The following EPHA5 variants were observed in gnomAD, a reference collection of about 807,000 sequenced individuals.
EPHA5 encodes ephrin type-A receptor 5.
In EPHA5, 60 loss-of-function variants were observed where a neutral mutation model predicts 105.0. The ratio of observed to expected loss-of-function variants is 0.57; its 90% CI spans 0.46 to 0.71. The LOEUF (loss-of-function observed/expected upper bound fraction) is 0.71, where lower values mean the gene tolerates loss of function less well. Among genes scored for constraint, EPHA5 ranks in the 30% least tolerant of loss-of-function variants. EPHA5 has a pLI of 0.00. For synonymous variants in EPHA5, 513 were observed against 449.1 expected, an observed-to-expected ratio of 1.14 and a Z score of -1.80; for missense variants, 1,218 against 1,274.7, an observed-to-expected ratio of 0.96 and a Z score of 0.68.
intron 5 of EPHA5, among the ~76,000 whole-genome samples, chr4:65,429,056 A>G (rs1724728478): frequency 6.6e-6 from 1 of 152,056 alleles, no homozygotes; most frequent in Non-Finnish European, 1.5e-5. Flanking sequence ...TTATTATCCT[A>G]TAATAGAATT....
In EPHA5 at chr4:65,319,948, C is replaced by T. The variant is rs1189125778; in HGVS notation, c.*4166G>A. ...GAAACTTCTACTGTGAATACAGTTC[C>T]CAGCCTGAATAAACATGACATTTTA... is the stretch of plus-strand genomic sequence containing the variant. On this transcript the variant is annotated 3_prime_UTR_variant, in exon 17 of 17. Coordinates refer to ENST00000613740, the MANE Select transcript of EPHA5 (RefSeq NM_001281766.3). The T allele has an allele frequency of 3.9e-5, 9 of 229,944 alleles. 1 individual carries two copies. Among genetic ancestry groups the T allele is most frequent in the Non-Finnish European group, 5.2e-5 (6 of 116,066 alleles). The allele number at this position is 229,944 out of a possible 1,614,324, so 14.2% of individuals were successfully genotyped here.
chr4:65,502,544 T>G (rs1414699303), intron 3 of EPHA5, among the ~76,000 whole-genome samples: 1 of 151,700 alleles, frequency 6.6e-6, no homozygotes, highest in Non-Finnish European at 1.5e-5. Context: ...AAAACCACAA[T>G]GAGATACCAT....
chr4:65,576,710 T>A (rs906130007), intron 3 of EPHA5, among the ~76,000 whole-genome samples: 4 of 152,348 alleles, frequency 2.6e-5, no homozygotes, highest in South Asian at 4.1e-4. Context: ...GAGTTTCTGT[T>A]ACCTATCACA....
At chr4:65,597,715 A>G (rs181687121) in intron 3 of EPHA5, among the ~76,000 whole-genome samples, 241 of 152,308 alleles carry the variant, frequency 1.6e-3, no homozygotes, top group African/African-American at 5.7e-3. Flanking sequence ...AGAAATGAGT[A>G]TTTTGTTACC....
chr4:65,446,189 G>A (rs1578135226), intron 5 of EPHA5, among the ~76,000 whole-genome samples: 1 of 152,192 alleles, frequency 6.6e-6, no homozygotes, highest in East Asian at 1.9e-4. Context: ...TCTGCTTAAT[G>A]CAATTGTACC....
At chr4:65,577,059 C>T (rs2149390288) in intron 3 of EPHA5, among the ~76,000 whole-genome samples, 1 of 152,322 alleles carries the variant, frequency 6.6e-6, no homozygotes, top group African/African-American at 2.4e-5. Flanking sequence ...AGAATGTTTA[C>T]ATGTGCACTT....
intron 3 of EPHA5, among the ~76,000 whole-genome samples, chr4:65,576,563 A>G (rs957119158): frequency 6.6e-6 from 1 of 152,202 alleles, no homozygotes; most frequent in African/African-American, 2.4e-5. Flanking sequence ...CACTTTAGAG[A>G]ACTTTAGAAT....
chr4:65,523,558 C>G (rs996619957), intron 3 of EPHA5, among the ~76,000 whole-genome samples: 2 of 151,950 alleles, frequency 1.3e-5, no homozygotes, highest in Admixed American at 6.6e-5. Flanking sequence ...CTTTTTATAA[C>G]CAAACATGCA....
At chr4:65,394,866 A>T (rs1721065454) in intron 8 of EPHA5, among the ~76,000 whole-genome samples, 2 of 152,106 alleles carry the variant, frequency 1.3e-5, no homozygotes, top group African/African-American at 4.8e-5. Flanking sequence ...TATTATTACC[A>T]TGTTACTTCC....
chr4:65,322,589 TAATTTGTATCACA>T lies in EPHA5; in HGVS notation c.*1512_*1524del, dbSNP rs1308301653. The T allele has an allele frequency of 8.9e-6, 2 of 224,350 alleles. No homozygotes were observed. Among genetic ancestry groups the T allele is most frequent in the Non-Finnish European group, 1.8e-5 (2 of 112,516 alleles). The allele number at this position is 224,350 out of a possible 1,614,324, so 13.9% of individuals were successfully genotyped here. On this transcript the variant is annotated 3_prime_UTR_variant, in exon 17 of 17. Transcript: ENST00000613740. Reference sequence around the variant, plus strand: ...TTTGGACAATTTCTAATACACTGCATAATTTGTATCACAAATATAAGTCTTCATCATGTGTGGT... The same window carrying T: ...TTTGGACAATTTCTAATACACTGCATAATATAAGTCTTCATCATGTGTGGT...
At chr4:65,491,865 A>T (rs1236596394) in intron 4 of EPHA5, among the ~76,000 whole-genome samples, 1 of 152,098 alleles carries the variant, frequency 6.6e-6, no homozygotes, top group Non-Finnish European at 1.5e-5. Context: ...AATTTCTAAC[A>T]CTAGAGTCAA....
rs557121918 is a variant in EPHA5 at position 65,589,763 on chromosome 4, T to TA, written c.910+11877dup. 3.0e-3 allele frequency among the ~76,000 whole-genome samples: 462 copies of TA among 152,234 alleles called. 1 individual carries two copies. Among genetic ancestry groups the TA allele is most frequent in the Non-Finnish European group, 4.8e-3 (329 of 68,016 alleles). On this transcript the variant is annotated intron_variant, in intron 3 of 16. Coordinates refer to ENST00000613740, the MANE Select transcript of EPHA5 (RefSeq NM_001281766.3). ...GAAAATATTGGGAACAGGTGAATAT[T>TA]AAAAAATCATCCACAGGACCAAGTA...
At chr4:65,381,019 G>C (rs1328342323) in intron 8 of EPHA5, among the ~76,000 whole-genome samples, 1 of 151,628 alleles carries the variant, frequency 6.6e-6, no homozygotes, top group Non-Finnish European at 1.5e-5. Context: ...GCACCACACA[G>C]GGTTGCTTTG....
intron 1 of EPHA5, among the ~76,000 whole-genome samples, chr4:65,647,796 G>T (rs529634918): frequency 6.6e-6 from 1 of 151,926 alleles, no homozygotes; most frequent in Non-Finnish European, 1.5e-5. Context: ...GGTTGATATT[G>T]GTATTTTAAT....
intron 14 of EPHA5, 134 bp from the exon 15 acceptor site, chr4:65,336,259 TA>T (rs1402483267): frequency 7.7e-6 from 4 of 518,166 alleles, no homozygotes; most frequent in Non-Finnish European, 3.1e-6. Flanking sequence ...TTACTGTCTT[TA>T]AAATCCACGG....
At position 65,401,478 on chromosome 4, in the gene EPHA5, A is replaced by G. The variant is rs368307655; in HGVS notation, c.1793+2896T>C. Among the ~76,000 whole-genome samples, 28 of 152,218 alleles carry G rather than the reference A, an allele frequency of 1.8e-4. 1 individual carries two copies. In the East Asian group the frequency reaches 2.7e-3, roughly 15 times the overall value. Reference sequence around the variant, plus strand: ...CAAAGATGTTTCTATCACATGACAAATGTCCCCCGAAATTCAAGAAAATAC... The same window carrying G: ...CAAAGATGTTTCTATCACATGACAAGTGTCCCCCGAAATTCAAGAAAATAC... On this transcript the variant is annotated intron_variant, in intron 8 of 16. Transcript: ENST00000613740.
chr4:65,484,326 G>A (rs990438270), intron 5 of EPHA5, among the ~76,000 whole-genome samples: 1 of 152,156 alleles, frequency 6.6e-6, no homozygotes, highest in Non-Finnish European at 1.5e-5. Flanking sequence ...CACCATGCTT[G>A]TCAACTACAA....
chr4:65,625,288 G>GT (rs1395922621), intron 2 of EPHA5, among the ~76,000 whole-genome samples: 1 of 151,898 alleles, frequency 6.6e-6, no homozygotes, highest in Non-Finnish European at 1.5e-5. Flanking sequence ...CATAGATCTA[G>GT]TTTTTTTTAA....
At chr4:65,324,568 A>G (rs1719897522) in intron 16 of EPHA5, among the ~76,000 whole-genome samples, 1 of 151,398 alleles carries the variant, frequency 6.6e-6, no homozygotes, top group African/African-American at 2.4e-5. Flanking sequence ...GCAGATTTAC[A>G]ATATTCATAA....
Sources: gnomAD v4.1 joint callset for allele counts (sites outside exome capture counted in the v4.1 genomes callset) on GRCh38, gnomAD v4.1.1 for gene constraint, MANE v1.5 for transcripts, NCBI Gene and HGNC (gene_info 2026-07-23, HGNC 2026-07-21) for gene names.